Variants in RND3 observed in about 807,000 individuals in gnomAD.
The protein encoded by RND3 is Rho family GTPase 3.
Under a neutral mutation model 26.5 loss-of-function variants are expected in RND3, and 8 were observed. The ratio of observed to expected loss-of-function variants is 0.30; its 90% CI spans 0.18 to 0.54. The LOEUF (loss-of-function observed/expected upper bound fraction) is 0.54. Ranked by LOEUF, RND3 falls within the 20% of genes least tolerant of loss-of-function variation. The pLI, the probability that RND3 is intolerant of heterozygous loss-of-function variation, is 0.94. For missense variants in RND3, 207 were observed against 302.8 expected, an observed-to-expected ratio of 0.68 and a Z score of 2.35; for synonymous variants, 113 against 113.0, an observed-to-expected ratio of 1.00 and a Z score of 0.00.
rs1431840420 is a variant in RND3, at chr2:150,486,647, G to A, written c.238+47C>T. Reference sequence around the variant, plus strand: ...CCCGAGACCCGCCGCGCATCCCCCAGCGACTGGAAACCCGCCCCAAGCGCC... The same window carrying A: ...CCCGAGACCCGCCGCGCATCCCCCAACGACTGGAAACCCGCCCCAAGCGCC... On this transcript the variant is annotated intron_variant, in intron 3 of 5. Transcript: ENST00000263895. The surrounding 1 kb of genome is among the most constrained non-coding windows in gnomAD (Gnocchi z 4.5). 7.4e-7 allele frequency: 1 copy of A among 1,345,824 alleles called. No homozygotes were observed. The highest frequency in any genetic ancestry group is 1.7e-5 in the Admixed American group (1 of 59,704). The allele number at this position is 1,345,824 out of a possible 1,614,324, so 83.4% of individuals were successfully genotyped here. A position where few individuals can be genotyped will look rare whatever the true frequency, so the allele number is the denominator to read the frequency against.
chr2:150,474,099 C>T (rs191869444), intron 4 of RND3, among the ~76,000 whole-genome samples: 7 of 152,276 alleles, frequency 4.6e-5, no homozygotes, highest in Admixed American at 3.3e-4. Flanking sequence ...CCTTCTACAA[C>T]TACCTGGAGG....
chr2:150,474,652 C>T (rs2105217687), intron 4 of RND3, among the ~76,000 whole-genome samples: 1 of 152,272 alleles, frequency 6.6e-6, no homozygotes, highest in Non-Finnish European at 1.5e-5. Context: ...CATGAAGGCC[C>T]TTAAAAGGTA....
rs1206461994 is a variant in RND3, at chr2:150,486,810, A to G, written c.151-29T>C. On this transcript the variant is annotated intron_variant, in intron 2 of 5. Coordinates refer to ENST00000263895, the MANE Select transcript of RND3 (RefSeq NM_005168.5). This position sits in a 1 kb window ranked among gnomAD's most constrained non-coding sequence, Gnocchi z 4.5. ...GATAGACAAAATGGGCAAAAGAGGA[A>G]GGAAAGAGGGCAAAGAGGTTACGTT... 3.3e-6 allele frequency: 5 copies of G among 1,506,398 alleles called. No homozygotes were observed. In the African/African-American group the frequency reaches 4.1e-5, roughly 12 times the overall value. 93.3% of individuals were successfully genotyped at this position (1,506,398 alleles called of 1,614,324 possible).
At chr2:150,479,472 T>A (rs1203813508) in intron 3 of RND3, among the ~76,000 whole-genome samples, 1 of 152,194 alleles carries the variant, frequency 6.6e-6, no homozygotes, top group Admixed American at 6.5e-5. Flanking sequence ...AAATATAATT[T>A]ATTTAACTTG....
intron 3 of RND3, among the ~76,000 whole-genome samples, chr2:150,483,355 G>A (rs769435608): frequency 6.6e-6 from 1 of 152,086 alleles, no homozygotes; most frequent in African/African-American, 2.4e-5. Flanking sequence ...TGTTCATCCC[G>A]TATCTCTCCC....
At chr2:150,481,881 C>T (rs958066734) in intron 3 of RND3, among the ~76,000 whole-genome samples, 8 of 152,124 alleles carry the variant, frequency 5.3e-5, no homozygotes, top group African/African-American at 1.7e-4. Flanking sequence ...ATTCTTCATA[C>T]TTGATGTACA....
At chr2:150,482,929 C>T (rs1291886339) in intron 3 of RND3, among the ~76,000 whole-genome samples, 1 of 152,086 alleles carries the variant, frequency 6.6e-6, no homozygotes, top group Non-Finnish European at 1.5e-5. Flanking sequence ...TTCTCCATTA[C>T]CCCACCTGAA....
Position 150,486,864 on chromosome 2 carries a change from TC to T in RND3, c.151-84del, listed in dbSNP as rs1394066797. 6.1e-5 allele frequency: 57 copies of T among 930,390 alleles called. No individual in the cohort carries two copies. Among genetic ancestry groups the T allele is most frequent in the Non-Finnish European group, 9.3e-5 (52 of 557,690 alleles). 57.6% of individuals were successfully genotyped at this position (930,390 alleles called of 1,614,324 possible). On this transcript the variant is annotated intron_variant, in intron 2 of 5. Transcript: ENST00000263895. The surrounding 1 kb of genome is among the most constrained non-coding windows in gnomAD (Gnocchi z 4.5). ...ACGCACGACACCCATTGAACACCCTTCCCCTCCCCGCTCCCCAGTTAAGAAA... is the reference window on the plus strand; with the variant it reads ...ACGCACGACACCCATTGAACACCCTTCCCTCCCCGCTCCCCAGTTAAGAAA...
At chr2:150,477,110 A>G (rs909306318) in intron 3 of RND3, among the ~76,000 whole-genome samples, 8 of 152,164 alleles carry the variant, frequency 5.3e-5, no homozygotes, top group African/African-American at 1.9e-4. Context: ...AGACCCAGGA[A>G]GGCAAAGCTG....
At position 150,469,913 on chromosome 2, in the gene RND3, T is replaced by G; in HGVS notation, c.*74A>C. Reference sequence around the variant, plus strand: ...ACATGACTTTGGCTGTGCACTTCATTTAGACTTCACCTTTTTGTTTGCTGT... The same window carrying G: ...ACATGACTTTGGCTGTGCACTTCATGTAGACTTCACCTTTTTGTTTGCTGT... On this transcript the variant is annotated 3_prime_UTR_variant, in exon 6 of 6. Coordinates refer to ENST00000263895, the MANE Select transcript of RND3 (RefSeq NM_005168.5). 2 of 1,563,038 alleles carry G rather than the reference T, an allele frequency of 1.3e-6. No homozygotes were observed. The highest frequency in any genetic ancestry group is 1.7e-6 in the Non-Finnish European group (2 of 1,144,768).
Position 150,486,047 on chromosome 2 carries a change from A to C in RND3, c.238+647T>G, listed in dbSNP as rs569323512. On this transcript the variant is annotated intron_variant, in intron 3 of 5. Coordinates refer to ENST00000263895, the MANE Select transcript of RND3 (RefSeq NM_005168.5). This position sits in a 1 kb window ranked among gnomAD's most constrained non-coding sequence, Gnocchi z 4.5. ...GATCACTGGGATGGAGTGGGGGAAA[A>C]AGGGAAAAGCTCGGTACAGGTGGGC... is the stretch of plus-strand genomic sequence containing the variant. Among the ~76,000 whole-genome samples the C allele has an allele frequency of 7.2e-5, 11 of 152,154 alleles. No individual in the cohort carries two copies. The highest frequency in any genetic ancestry group is 2.6e-4 in the African/African-American group (11 of 41,546).
At chr2:150,479,034 C>A (rs1309478786) in intron 3 of RND3, among the ~76,000 whole-genome samples, 1 of 152,086 alleles carries the variant, frequency 6.6e-6, no homozygotes, top group Admixed American at 6.5e-5. Flanking sequence ...AATGTGTACC[C>A]CGCTCACCCA....
intron 3 of RND3, among the ~76,000 whole-genome samples, chr2:150,485,895 G>C (rs1686350389): frequency 6.6e-6 from 1 of 152,250 alleles, no homozygotes; most frequent in Non-Finnish European, 1.5e-5. Context: ...ACCCACCGCG[G>C]CGCCAATAAT....
intron 2 of RND3, 74 bp downstream of exon 2, chr2:150,487,194 G>C: frequency 2.0e-6 from 2 of 1,019,166 alleles, no homozygotes; most frequent in Non-Finnish European, 2.7e-6. Context: ...ACGGATGAAA[G>C]CGGGGAGGCC....
At chr2:150,470,305 T>C (rs2105215430) in intron 5 of RND3, 67 bp from the exon 6 acceptor site, 5 of 1,504,676 alleles carry the variant, frequency 3.3e-6, no homozygotes, top group Non-Finnish European at 4.5e-6. Context: ...TAGCATCTTC[T>C]AATACCACAA....
chr2:150,478,579 C>CAAAAAAAAAAAAAAAAAAAAAAAA (rs1229770069), intron 3 of RND3, among the ~76,000 whole-genome samples: 1 of 106,368 alleles, frequency 9.4e-6, no homozygotes, highest in African/African-American at 3.7e-5. Flanking sequence ...AGCCAAACGG[C>CAAAAAAAAAAAAAAAAAAAAAAAA]AAAAAAAAAA....
At chr2:150,478,812 C>T (rs1361186857) in intron 3 of RND3, among the ~76,000 whole-genome samples, 2 of 152,004 alleles carry the variant, frequency 1.3e-5, no homozygotes, top group African/African-American at 2.4e-5. Flanking sequence ...TTAGGGACTG[C>T]GTTTGGCTTG....
chr2:150,472,511 G>A (rs999686091), intron 4 of RND3, among the ~76,000 whole-genome samples: 7 of 152,148 alleles, frequency 4.6e-5, no homozygotes, highest in African/African-American at 1.7e-4. Context: ...TGCCTGGCTT[G>A]GAATTCCAAC....
rs960640322 is a variant in RND3, at chr2:150,470,224, G to C, written c.498C>G (p.Ala166=). ...TATAAGTAGCTGCTCCAATCTGTTT[G>C]GCCATATTTGCCCCCTGAGAAGCAA... is the stretch of plus-strand genomic sequence containing the variant. ...PVSYDQGANM[A]KQIGAATYIE... Residue 166 remains alanine, a synonymous_variant, in exon 6 of 6, where the codon GCC becomes GCG. Transcript: ENST00000263895. The C allele has an allele frequency of 2.5e-6, 4 of 1,612,884 alleles. No homozygotes were observed.
Sources: gnomAD v4.1 joint callset for allele counts (sites outside exome capture counted in the v4.1 genomes callset) on GRCh38, gnomAD v4.1.1 for gene constraint, Gnocchi (gnomAD v3.1) non-coding constraint, MANE v1.5 for transcripts, NCBI Gene and HGNC (gene_info 2026-07-23, HGNC 2026-07-21) for gene names.